PFKFB3: variants seen among roughly 807,000 people sequenced by gnomAD.
PFKFB3 encodes 6-phosphofructo-2-kinase/fructose-2,6-bisphosphatase 3.
PFKFB3 carries 33 observed loss-of-function variants against 68.0 expected under a neutral mutation model. The ratio of observed to expected loss-of-function variants is 0.49; its 90% CI spans 0.37 to 0.65. PFKFB3 has a LOEUF of 0.65. Among genes scored for constraint, PFKFB3 ranks in the 30% least tolerant of loss-of-function variants. The probability of loss-of-function intolerance (pLI) is 0.00; values close to 1 mark genes in which losing one functional copy is unlikely to be tolerated. For missense variants in PFKFB3, 586 were observed against 712.2 expected, an observed-to-expected ratio of 0.82 and a Z score of 2.02; for synonymous variants, 315 against 288.2, an observed-to-expected ratio of 1.09 and a Z score of -0.94.
intron 1 of PFKFB3, among the ~76,000 whole-genome samples, chr10:6,175,750 T>C (rs1381574068): frequency 6.6e-6 from 1 of 152,194 alleles, no homozygotes; most frequent in Non-Finnish European, 1.5e-5. Context: ...CCCGTAAGCA[T>C]AGAAAGCACT....
chr10:6,211,576 C>G (rs902970148), intron 1 of PFKFB3, among the ~76,000 whole-genome samples: 1 of 152,156 alleles, frequency 6.6e-6, no homozygotes, highest in Non-Finnish European at 1.5e-5. Context: ...GCCTCACTGG[C>G]TTTCGGGGAG....
intron 1 of PFKFB3, among the ~76,000 whole-genome samples, chr10:6,159,309 C>T (rs1210217456): frequency 1.3e-5 from 2 of 151,958 alleles, no homozygotes; most frequent in Non-Finnish European, 2.9e-5. Context: ...AAGGGAGAAT[C>T]GCTTGAACAA....
rs770681879 is a variant in PFKFB3, at chr10:6,221,469, C to T, written c.920C>T (p.Thr307Met). 64 of 1,613,640 alleles carry T rather than the reference C, an allele frequency of 4.0e-5. No homozygotes were observed. The highest frequency in any genetic ancestry group is 2.9e-4 in the African/African-American group (22 of 74,926). Reference protein sequence around the residue: ...WTSQLKSTIQTAEALRLPYEQ... With the variant: ...WTSQLKSTIQMAEALRLPYEQ... ...AGCCAGCTGAAGAGCACCATCCAGACGGCCGAGGCGCTGCGGCTGCCCTAC... is the reference window on the plus strand; with the variant it reads ...AGCCAGCTGAAGAGCACCATCCAGATGGCCGAGGCGCTGCGGCTGCCCTAC... Residue 307 changes from threonine to methionine, a missense_variant, in exon 9 of 15, where the codon ACG (threonine) becomes ATG (methionine). Coordinates refer to ENST00000379775, the MANE Select transcript of PFKFB3 (RefSeq NM_004566.4).
chr10:6,196,090 G>A (rs1249844911), intron 1 of PFKFB3, among the ~76,000 whole-genome samples: 1 of 151,264 alleles, frequency 6.6e-6, no homozygotes, highest in Non-Finnish European at 1.5e-5. Context: ...AGGCACATGA[G>A]ACAGCACGGG....
chr10:6,146,031 C>G (rs1157637062), intron 1 of PFKFB3, among the ~76,000 whole-genome samples: 1 of 152,148 alleles, frequency 6.6e-6, no homozygotes. Flanking sequence ...ACTCCTGCGC[C>G]GTCTGTTTGG....
intron 1 of PFKFB3, among the ~76,000 whole-genome samples, chr10:6,156,129 A>ATATG (rs1554840060): frequency 3.0e-4 from 29 of 96,860 alleles, no homozygotes; most frequent in African/African-American, 8.0e-4. Context: ...GTACATATAT[A>ATATG]TGTGTGTGTG....
chr10:6,290,417 G>T, the PFKFB3 span, among the ~76,000 whole-genome samples: 801 of 151,530 alleles, frequency 5.3e-3, 10 homozygotes, highest in African/African-American at 0.018. Context: ...AGCATGAAGC[G>T]TTGTTGAATT....
chr10:6,147,210 T>C (rs1246629317), intron 1 of PFKFB3, among the ~76,000 whole-genome samples: 4 of 152,180 alleles, frequency 2.6e-5, no homozygotes, highest in Non-Finnish European at 5.9e-5. Context: ...CTGACGGAGG[T>C]GCAGGAGACG....
chr10:6,257,135 C>T (rs1846501972), downstream of PFKFB3, among the ~76,000 whole-genome samples: 1 of 152,172 alleles, frequency 6.6e-6, no homozygotes, highest in Non-Finnish European at 1.5e-5. Flanking sequence ...ACAATTTCAT[C>T]TTTAGTTGGG....
At chr10:6,240,194 C>T (rs539408476), downstream of PFKFB3, among the ~76,000 whole-genome samples, 53 of 152,290 alleles carry the variant, frequency 3.5e-4, 1 homozygote, top group South Asian at 2.5e-3. Context: ...AGATTTCTTA[C>T]ATGTACAAGA....
intron 14 of PFKFB3, among the ~76,000 whole-genome samples, chr10:6,245,325 G>T (rs976020195): frequency 2.1e-4 from 32 of 152,078 alleles, no homozygotes; most frequent in Non-Finnish European, 1.5e-5. Flanking sequence ...TCGAACTCCT[G>T]ACCTTGTGAT....
the PFKFB3 span, among the ~76,000 whole-genome samples, chr10:6,283,494 C>A: frequency 6.8e-6 from 1 of 148,112 alleles, no homozygotes; most frequent in South Asian, 2.1e-4. Context: ...AGCTGAAGAA[C>A]TTGGAGTCCA....
chr10:6,203,758 C>T (rs911044913), intron 1 of PFKFB3, among the ~76,000 whole-genome samples: 1 of 152,226 alleles, frequency 6.6e-6, no homozygotes. Context: ...GTTTCCATCT[C>T]CTCTCCCGCC....
chr10:6,183,891 C>T (rs894884579), intron 1 of PFKFB3, among the ~76,000 whole-genome samples: 17 of 151,244 alleles, frequency 1.1e-4, no homozygotes, highest in African/African-American at 3.2e-4. Context: ...GGGGTTTCAC[C>T]GTGTTAGCCA....
chr10:6,325,153 G>A, the PFKFB3 span, among the ~76,000 whole-genome samples: 1 of 152,036 alleles, frequency 6.6e-6, no homozygotes, highest in Non-Finnish European at 1.5e-5. Context: ...TAGTAAAGAC[G>A]GGATTTTGCT....
chr10:6,290,499 ATTT>A, the PFKFB3 span, among the ~76,000 whole-genome samples: 4 of 135,914 alleles, frequency 2.9e-5, no homozygotes, highest in East Asian at 2.1e-4. Flanking sequence ...TTTGTCTTTG[ATTT>A]TTTTTTTTTT....
chr10:6,276,036 CA>C, the PFKFB3 span, among the ~76,000 whole-genome samples: 1 of 151,996 alleles, frequency 6.6e-6, no homozygotes, highest in Non-Finnish European at 1.5e-5. Context: ...TTGTATTTGA[CA>C]AATAGACTGC....
chr10:6,174,852 C>G (rs1842417427), intron 1 of PFKFB3, among the ~76,000 whole-genome samples: 1 of 150,002 alleles, frequency 6.7e-6, no homozygotes, highest in Non-Finnish European at 1.5e-5. Context: ...GAGTCTCACT[C>G]TCATGTAGGC....
the PFKFB3 span, among the ~76,000 whole-genome samples, chr10:6,289,232 G>T: frequency 1.6e-4 from 24 of 146,906 alleles, no homozygotes; most frequent in Non-Finnish European, 3.1e-4. Context: ...GTCAATTTTG[G>T]CTTTTGTTGC....
Sources: gnomAD v4.1 joint callset for allele counts (sites outside exome capture counted in the v4.1 genomes callset) on GRCh38, gnomAD v4.1.1 for gene constraint, MANE v1.5 for transcripts, NCBI Gene and HGNC (gene_info 2026-07-23, HGNC 2026-07-21) for gene names.